The following ATP6V0D2 variants were observed in gnomAD, a reference collection of about 807,000 sequenced individuals.
ATP6V0D2 encodes the protein ATPase H+ transporting V0 subunit d2.
In ATP6V0D2, 40 loss-of-function variants were observed where a neutral mutation model predicts 40.0. The ratio of observed to expected loss-of-function variants is 1.00; its 90% CI spans 0.78 to 1.30. The LOEUF is 1.30. ATP6V0D2 is among the 50% of genes most tolerant of loss of function. The probability of loss-of-function intolerance (pLI) is 0.00; values close to 1 mark genes in which losing one functional copy is unlikely to be tolerated. For missense variants in ATP6V0D2, 470 were observed against 423.1 expected (o/e 1.11, Z -0.97); for synonymous variants, 179 against 156.3 (o/e 1.15, Z -1.08).
intron 2 of ATP6V0D2, among the ~76,000 whole-genome samples, chr8:86,130,846 A>G (rs541680898): frequency 2.0e-5 from 3 of 152,166 alleles, no homozygotes; most frequent in Admixed American, 6.6e-5. Context: ...TCTGCTGGCC[A>G]TAACGACCCC....
chr8:86,131,797 A>T (rs1026941948), intron 2 of ATP6V0D2, among the ~76,000 whole-genome samples: 5 of 152,162 alleles, frequency 3.3e-5, no homozygotes, highest in Admixed American at 2.0e-4. Flanking sequence ...CACTGCACCC[A>T]GCCTTATGTC....
chr8:86,139,357 TG>T, intron 2 of ATP6V0D2, 99 bp from the exon 3 acceptor site: 1 of 964,702 alleles, frequency 1.0e-6, no homozygotes, highest in Middle Eastern at 3.0e-4. Flanking sequence ...ATTTTCTGAA[TG>T]AAACAGTGTG....
intron 2 of ATP6V0D2, among the ~76,000 whole-genome samples, chr8:86,132,544 T>C (rs1818841389): frequency 1.3e-5 from 2 of 152,178 alleles, no homozygotes; most frequent in South Asian, 2.1e-4. Flanking sequence ...TGAGATCAAC[T>C]TTTTTTAGTT....
At chr8:86,140,264 TA>T (rs1223580434) in intron 3 of ATP6V0D2, among the ~76,000 whole-genome samples, 1 of 152,202 alleles carries the variant, frequency 6.6e-6, no homozygotes, top group African/African-American at 2.4e-5. Flanking sequence ...GAAATCTGGA[TA>T]GTAGCAATTC....
At chr8:86,102,067 T>C (rs1410013280) in intron 1 of ATP6V0D2, among the ~76,000 whole-genome samples, 2 of 152,214 alleles carry the variant, frequency 1.3e-5, no homozygotes, top group African/African-American at 4.8e-5. Flanking sequence ...CTATTGGTGA[T>C]GGAGGATGGA....
At chr8:86,143,175 C>A (rs1279249189) in intron 5 of ATP6V0D2, among the ~76,000 whole-genome samples, 1 of 151,828 alleles carries the variant, frequency 6.6e-6, no homozygotes, top group Non-Finnish European at 1.5e-5. Context: ...GAAAAGTTAG[C>A]TTGGAATTAG....
At chr8:86,147,257 A>G (rs1172638315) in intron 5 of ATP6V0D2, among the ~76,000 whole-genome samples, 1 of 152,160 alleles carries the variant, frequency 6.6e-6, no homozygotes, top group Non-Finnish European at 1.5e-5. Context: ...TCTTCCCATG[A>G]GGAACTGGAG....
rs1227212938 is a variant in ATP6V0D2, at chr8:86,153,590, CA to C, written c.*614del. On this transcript the variant is annotated 3_prime_UTR_variant, in exon 8 of 8. Transcript: ENST00000285393. ...AGGCTGGTGTCGAATTCCTGGGCTCCAGGGATCCACAGTCCCCCTTGGCCTC... is the reference window on the plus strand; with the variant it reads ...AGGCTGGTGTCGAATTCCTGGGCTCCGGGATCCACAGTCCCCCTTGGCCTC... 6.6e-6 allele frequency: 1 copy of C among 152,272 alleles called. No individual in the cohort carries two copies. Among genetic ancestry groups the C allele is most frequent in the Non-Finnish European group, 1.5e-5 (1 of 68,184 alleles). 9.4% of individuals were successfully genotyped at this position (152,272 alleles called of 1,614,324 possible). A position where few individuals can be genotyped will look rare whatever the true frequency, so the allele number is the denominator to read the frequency against.
intron 1 of ATP6V0D2, 88 bp from the exon 2 acceptor site, chr8:86,113,621 C>A (rs1222818869): frequency 1.6e-6 from 2 of 1,214,034 alleles, no homozygotes; most frequent in Non-Finnish European, 2.3e-6. Flanking sequence ...GTATGTAACA[C>A]AAAATTAGCA....
At chr8:86,099,448 T>C (rs1315928706) in intron 1 of ATP6V0D2, among the ~76,000 whole-genome samples, 3 of 152,214 alleles carry the variant, frequency 2.0e-5, no homozygotes, top group Admixed American at 6.5e-5. Flanking sequence ...TGAAATGTCA[T>C]GTATGTTTTC....
At chr8:86,104,300 A>G (rs1363432928) in intron 1 of ATP6V0D2, among the ~76,000 whole-genome samples, 2 of 152,276 alleles carry the variant, frequency 1.3e-5, no homozygotes, top group African/African-American at 2.4e-5. Flanking sequence ...TTGGCCTTCT[A>G]ACATGCTGGG....
In ATP6V0D2 at chr8:86,147,143, T is replaced by A. The variant is rs139785645; in HGVS notation, c.640-2969T>A. ...TAAAATATGTTTGTTTGATCTCTAC[T>A]GGTCAGTGCATGTGCTGATAAGGCT... On this transcript the variant is annotated intron_variant, in intron 5 of 7. Transcript: ENST00000285393. Among the ~76,000 whole-genome samples, 17 of 152,316 alleles carry A rather than the reference T, an allele frequency of 1.1e-4. No homozygotes were observed. The East Asian group carries it at 3.3e-3, about 29-fold the overall frequency.
chr8:86,129,815 A>T (rs1818793997), intron 2 of ATP6V0D2, among the ~76,000 whole-genome samples: 2 of 150,472 alleles, frequency 1.3e-5, no homozygotes, highest in Non-Finnish European at 3.0e-5. Flanking sequence ...GAAAAAAAAA[A>T]AAGGGAAAAA....
intron 1 of ATP6V0D2, among the ~76,000 whole-genome samples, chr8:86,107,243 A>G (rs1818480520): frequency 6.6e-6 from 1 of 152,196 alleles, no homozygotes; most frequent in African/African-American, 2.4e-5. Context: ...AGATGTCAGG[A>G]CATTCAGCAA....
chr8:86,121,335 C>T (rs1332897236), intron 2 of ATP6V0D2, among the ~76,000 whole-genome samples: 1 of 152,078 alleles, frequency 6.6e-6, no homozygotes, highest in Non-Finnish European at 1.5e-5. Flanking sequence ...TTTGGGAGGC[C>T]GAGGTGGGCA....
Position 86,115,308 on chromosome 8 carries a change from A to T in ATP6V0D2, c.302+1428A>T, listed in dbSNP as rs1295236322. On this transcript the variant is annotated intron_variant, in intron 2 of 7. Transcript: ENST00000285393. ...AGAATCCGCTTATCTGACCAGGAAGATGATACTCCCTCTATCCTTCTATTC... is the reference window on the plus strand; with the variant it reads ...AGAATCCGCTTATCTGACCAGGAAGTTGATACTCCCTCTATCCTTCTATTC... 4.7e-5 allele frequency among the ~76,000 whole-genome samples: 7 copies of T among 148,712 alleles called. No individual in the cohort carries two copies. In the East Asian group the frequency reaches 1.2e-3, roughly 26 times the overall value.
At chr8:86,113,607 A>G in intron 1 of ATP6V0D2, 102 bp from the exon 2 acceptor site, 1 of 983,880 alleles carries the variant, frequency 1.0e-6, no homozygotes, top group Non-Finnish European at 1.5e-6. Context: ...AAGATAATAC[A>G]TATGTATGTA....
rs778741034 is a variant in ATP6V0D2 at position 86,098,996 on chromosome 8, GCTGTA to G, written c.21_25del (p.Tyr8GlnfsTer31). On this transcript the variant is annotated frameshift_variant, in exon 1 of 8. Transcript: ENST00000285393. LOFTEE classifies it high-confidence loss of function. ...CTTCCCCCATGCTCGAAGGTGCGGA[GCTGTA>G]CTTCAACGTGGACCATGGCTACCTG... 6.2e-7 allele frequency: 1 copy of G among 1,614,066 alleles called. No homozygotes were observed. The highest frequency in any genetic ancestry group is 1.7e-5 in the Admixed American group (1 of 59,998).
chr8:86,100,693 G>A (rs181583203), intron 1 of ATP6V0D2, among the ~76,000 whole-genome samples: 21 of 152,172 alleles, frequency 1.4e-4, no homozygotes, highest in African/African-American at 4.6e-4. Context: ...GGAGAACGTC[G>A]GTCACGTATA....
Sources: allele counts gnomAD v4.1 joint callset (sites outside exome capture counted in the v4.1 genomes callset), GRCh38; gene constraint gnomAD v4.1.1; transcripts MANE v1.5; gene names NCBI Gene and HGNC (gene_info 2026-07-23, HGNC 2026-07-21).